The following KIRREL3 variants were observed in gnomAD, a reference collection of about 807,000 sequenced individuals.
The protein encoded by KIRREL3 is kin of IRRE-like protein 3.
KIRREL3 carries 36 observed loss-of-function variants against 89.7 expected under a neutral mutation model. That is an observed-to-expected ratio of 0.40 (90% CI 0.31 to 0.53). The LOEUF (loss-of-function observed/expected upper bound fraction) is 0.53. Ranked by LOEUF, KIRREL3 falls within the 20% of genes least tolerant of loss-of-function variation. The probability of loss-of-function intolerance (pLI) is 0.49; values close to 1 mark genes in which losing one functional copy is unlikely to be tolerated. For missense variants in KIRREL3, 864 were observed against 1,056.6 expected, an observed-to-expected ratio of 0.82 and a Z score of 2.53; for synonymous variants, 445 against 441.4, an observed-to-expected ratio of 1.01 and a Z score of -0.10.
chr11:126,844,104 G>A lies in KIRREL3; in HGVS notation c.55+156351C>T, dbSNP rs543192336. ...ATCCAAGAACCCTCTTTTGGAGTCT[G>A]GATGGGGACCCCTTTCCAGTAACAT... On this transcript the variant is annotated intron_variant, in intron 1 of 16. Coordinates refer to ENST00000525144, the MANE Select transcript of KIRREL3 (RefSeq NM_032531.4). The surrounding 1 kb of genome is among the most constrained non-coding windows in gnomAD (Gnocchi z 4.8). 1.3e-5 allele frequency among the ~76,000 whole-genome samples: 2 copies of A among 152,272 alleles called. No individual in the cohort carries two copies. The highest frequency in any genetic ancestry group is 3.9e-4 in the East Asian group (2 of 5,172).
chr11:126,737,200 T>C (rs7950666), intron 1 of KIRREL3, among the ~76,000 whole-genome samples: 28,665 of 151,898 alleles, frequency 0.19, 2,818 homozygotes, highest in African/African-American at 0.21. Flanking sequence ...GTCAGCACAC[T>C]GGGCTGGGGC....
intron 1 of KIRREL3, among the ~76,000 whole-genome samples, chr11:126,868,850 G>C (rs1945009594): frequency 6.6e-6 from 1 of 152,208 alleles, no homozygotes; most frequent in South Asian, 2.1e-4. Flanking sequence ...TGGCAGATTA[G>C]GTGTCTGGGG....
chr11:126,848,551 T>C (rs1388611849), intron 1 of KIRREL3, among the ~76,000 whole-genome samples: 2 of 152,206 alleles, frequency 1.3e-5, no homozygotes, highest in Non-Finnish European at 2.9e-5. Context: ...GGATCAATAT[T>C]CTAATCCTGG....
rs768499290 is a variant in KIRREL3 at position 126,431,415 on chromosome 11, G to A, written c.1696+4C>T. The A allele has an allele frequency of 1.9e-5, 30 of 1,613,786 alleles. No homozygotes were observed. Among genetic ancestry groups the A allele is most frequent in the East Asian group, 6.7e-5 (3 of 44,896 alleles). On this transcript the variant is annotated splice_donor_region_variant and intron_variant, in intron 14 of 16. Coordinates refer to ENST00000525144, the MANE Select transcript of KIRREL3 (RefSeq NM_032531.4). The surrounding 1 kb of genome is among the most constrained non-coding windows in gnomAD (Gnocchi z 7.1). ...CCCTGAGATCCCGGATCTCCCTCCCGTACTTCTCTGGGAACGGGCACAGCA... is the reference window on the plus strand; with the variant it reads ...CCCTGAGATCCCGGATCTCCCTCCCATACTTCTCTGGGAACGGGCACAGCA...
Position 126,555,468 on chromosome 11 carries a change from G to A in KIRREL3, c.133+7367C>T, listed in dbSNP as rs971413378. Among the ~76,000 whole-genome samples, 2 of 152,342 alleles carry A rather than the reference G, an allele frequency of 1.3e-5. No individual in the cohort carries two copies. Among genetic ancestry groups the A allele is most frequent in the African/African-American group, 2.4e-5 (1 of 41,572 alleles). On this transcript the variant is annotated intron_variant, in intron 2 of 16. Transcript: ENST00000525144. The surrounding 1 kb of genome is among the most constrained non-coding windows in gnomAD (Gnocchi z 4.2). The stretch of plus-strand genomic sequence containing the variant: ...CTGGATCTTGACTGAGGAGGGATGG[G>A]TCAGTGGAGGCATCACTGGAGCAGA...
rs974715465 is a variant in KIRREL3, at chr11:126,943,378, C to G, written c.55+57077G>C. ...ACTAATCACAGCATTTCTCTACCCT[C>G]CTCGGAACAATCTGATACCATTATC... On this transcript the variant is annotated intron_variant, in intron 1 of 16. Coordinates refer to ENST00000525144, the MANE Select transcript of KIRREL3 (RefSeq NM_032531.4). This position sits in a 1 kb window ranked among gnomAD's most constrained non-coding sequence, Gnocchi z 4.2. Among the ~76,000 whole-genome samples, 1 of 152,202 alleles carries G rather than the reference C, an allele frequency of 6.6e-6. No homozygotes were observed. Among genetic ancestry groups the G allele is most frequent in the Admixed American group, 6.5e-5 (1 of 15,284 alleles).
At chr11:126,469,132 C>G (rs1431913234) in intron 5 of KIRREL3, among the ~76,000 whole-genome samples, 1 of 152,192 alleles carries the variant, frequency 6.6e-6, no homozygotes, top group African/African-American at 2.4e-5. Flanking sequence ...ATGGCAAGGA[C>G]AGGGAGGCAC....
In KIRREL3 at chr11:126,612,613, G is replaced by A. The variant is rs1010222867; in HGVS notation, c.56-49701C>T. 2.0e-5 allele frequency among the ~76,000 whole-genome samples: 3 copies of A among 152,120 alleles called. No individual in the cohort carries two copies. The highest frequency in any genetic ancestry group is 7.2e-5 in the African/African-American group (3 of 41,426). On this transcript the variant is annotated intron_variant, in intron 1 of 16. Transcript: ENST00000525144. This position sits in a 1 kb window ranked among gnomAD's most constrained non-coding sequence, Gnocchi z 4.5. ...GCAACCATGGCCATGACCTCATTTT[G>A]GAACAATTTCATCGCCCCCAAAATA... is the stretch of plus-strand genomic sequence containing the variant.
At chr11:126,548,238 C>G (rs1260813504) in intron 2 of KIRREL3, among the ~76,000 whole-genome samples, 1 of 152,198 alleles carries the variant, frequency 6.6e-6, no homozygotes, top group African/African-American at 2.4e-5. Flanking sequence ...AAGTTCTCTG[C>G]AGGCTGCTGC....
At position 126,768,274 on chromosome 11, in the gene KIRREL3, CCATT is replaced by C. The variant is rs1160651285; in HGVS notation, c.56-205366_56-205363del. ...TACATGCATCCACCCATCCATCCAT[CCATT>C]CATCCATCCATCCATCCATCCATCC... On this transcript the variant is annotated intron_variant, in intron 1 of 16. Transcript: ENST00000525144. The surrounding 1 kb of genome is among the most constrained non-coding windows in gnomAD (Gnocchi z 4.5). Among the ~76,000 whole-genome samples the C allele has an allele frequency of 8.0e-5, 12 of 150,164 alleles. No homozygotes were observed. The South Asian group carries it at 2.4e-3, about 30-fold the overall frequency.
chr11:126,849,545 G>T (rs1944268780), intron 1 of KIRREL3, among the ~76,000 whole-genome samples: 1 of 152,148 alleles, frequency 6.6e-6, no homozygotes, highest in Non-Finnish European at 1.5e-5. Flanking sequence ...GAAAGGAATG[G>T]GGTCCCGATG....
In KIRREL3 at chr11:126,515,907, C is replaced by T. The variant is rs939536738; in HGVS notation, c.433+5408G>A. Among the ~76,000 whole-genome samples the T allele has an allele frequency of 8.5e-5, 13 of 152,172 alleles. No homozygotes were observed. The highest frequency in any genetic ancestry group is 8.5e-4 in the Admixed American group (13 of 15,280). On this transcript the variant is annotated intron_variant, in intron 4 of 16. Transcript: ENST00000525144. The surrounding 1 kb of genome is among the most constrained non-coding windows in gnomAD (Gnocchi z 4.2). Reference sequence around the variant, plus strand: ...AGAATGGTTTAGAAGCCAGCACCCTCGAGGTCTGTTCCAGCTCTGCCTTCC... The same window carrying T: ...AGAATGGTTTAGAAGCCAGCACCCTTGAGGTCTGTTCCAGCTCTGCCTTCC...
rs377693391 is a variant in KIRREL3, at chr11:126,820,816, G to A, written c.55+179639C>T. 5.2e-4 allele frequency among the ~76,000 whole-genome samples: 79 copies of A among 152,278 alleles called. 1 individual carries two copies. Among genetic ancestry groups the A allele is most frequent in the African/African-American group, 1.8e-3 (76 of 41,562 alleles). ...CTTTTGTCACTCACTGGCCGTTATA[G>A]CTGTGGAGAGGATACTTATCCCCCT... On this transcript the variant is annotated intron_variant, in intron 1 of 16. Transcript: ENST00000525144.
chr11:126,736,922 G>C lies in KIRREL3; in HGVS notation c.56-174010C>G, dbSNP rs117220411. ...GGCTGTCACAAGCATGGTGTGGAAA[G>C]GTCCTACTTAGTTTTCCAGGGAGCC... is the stretch of plus-strand genomic sequence containing the variant. On this transcript the variant is annotated intron_variant, in intron 1 of 16. Transcript: ENST00000525144. The surrounding 1 kb of genome is among the most constrained non-coding windows in gnomAD (Gnocchi z 5.0). 9.7e-4 allele frequency among the ~76,000 whole-genome samples: 148 copies of C among 152,318 alleles called. No homozygotes were observed. The highest frequency in any genetic ancestry group is 1.8e-3 in the Non-Finnish European group (123 of 68,024).
In KIRREL3 at chr11:126,772,335, T is replaced by C. The variant is rs550959722; in HGVS notation, c.56-209423A>G. On this transcript the variant is annotated intron_variant, in intron 1 of 16. Coordinates refer to ENST00000525144, the MANE Select transcript of KIRREL3 (RefSeq NM_032531.4). The surrounding 1 kb of genome is among the most constrained non-coding windows in gnomAD (Gnocchi z 4.6). ...TTAAATTCAAGGCAGCTAAGACCGG[T>C]TCAGGGACAGAGAACAGCAAGTGAC... Among the ~76,000 whole-genome samples, 14 of 152,258 alleles carry C rather than the reference T, an allele frequency of 9.2e-5. No homozygotes were observed. In the East Asian group the frequency reaches 2.5e-3, roughly 27 times the overall value.
chr11:126,858,271 G>C (rs922145671), intron 1 of KIRREL3, among the ~76,000 whole-genome samples: 21 of 152,134 alleles, frequency 1.4e-4, no homozygotes, highest in African/African-American at 4.8e-4. Context: ...CTGTGACTAT[G>C]AGAGGCCAGG....
Position 126,516,969 on chromosome 11 carries a change from C to T in KIRREL3, c.433+4346G>A, listed in dbSNP as rs1346086841. ...GCACGTGCCTGTAATCCCAGCTACT[C>T]AGGAGGCTGGAGCAGGAGGACCCAG... On this transcript the variant is annotated intron_variant, in intron 4 of 16. Coordinates refer to ENST00000525144, the MANE Select transcript of KIRREL3 (RefSeq NM_032531.4). This position sits in a 1 kb window ranked among gnomAD's most constrained non-coding sequence, Gnocchi z 4.9. Among the ~76,000 whole-genome samples the T allele has an allele frequency of 6.6e-6, 1 of 152,080 alleles. No homozygotes were observed. The highest frequency in any genetic ancestry group is 1.5e-5 in the Non-Finnish European group (1 of 68,006).
At position 126,558,667 on chromosome 11, in the gene KIRREL3, C is replaced by T. The variant is rs1219862813; in HGVS notation, c.133+4168G>A. Among the ~76,000 whole-genome samples the T allele has an allele frequency of 6.6e-6, 1 of 152,206 alleles. No homozygotes were observed. Among genetic ancestry groups the T allele is most frequent in the Non-Finnish European group, 1.5e-5 (1 of 68,032 alleles). On this transcript the variant is annotated intron_variant, in intron 2 of 16. Coordinates refer to ENST00000525144, the MANE Select transcript of KIRREL3 (RefSeq NM_032531.4). This position sits in a 1 kb window ranked among gnomAD's most constrained non-coding sequence, Gnocchi z 4.0. ...GCTCTCTGAGGCAGGCACAGCCCCT[C>T]CCCTGATACATGTGACAGCCTTCTA...
chr11:126,572,369 A>G (rs1940996015), intron 1 of KIRREL3, among the ~76,000 whole-genome samples: 2 of 152,226 alleles, frequency 1.3e-5, no homozygotes, highest in South Asian at 2.1e-4. Flanking sequence ...TGTGTGGATT[A>G]TTAGCTTTGC....
Sources: allele counts gnomAD v4.1 joint callset (sites outside exome capture counted in the v4.1 genomes callset), GRCh38; gene constraint gnomAD v4.1.1; non-coding constraint Gnocchi (gnomAD v3.1); transcripts MANE v1.5; gene names NCBI Gene and HGNC (gene_info 2026-07-23, HGNC 2026-07-21).